The following UNC79 variants were observed in gnomAD, a reference collection of about 807,000 sequenced individuals.
The protein encoded by UNC79 is protein unc-79 homolog.
Under a neutral mutation model 283.1 loss-of-function variants are expected in UNC79, and 37 were observed. The observed-to-expected ratio is 0.13, with a 90% CI of 0.10 to 0.17. The LOEUF is 0.17. Among genes scored for constraint, UNC79 ranks in the 10% least tolerant of loss-of-function variants. The probability of loss-of-function intolerance (pLI) is 1.00; values close to 1 mark genes in which losing one functional copy is unlikely to be tolerated. For missense variants in UNC79, 2,272 were observed against 3,211.1 expected (o/e 0.71, Z 7.07); for synonymous variants, 1,107 against 1,200.2 (o/e 0.92, Z 1.61).
intron 3 of UNC79, among the ~76,000 whole-genome samples, chr14:93,475,853 G>T (rs2057769680): frequency 6.6e-6 from 1 of 152,168 alleles, no homozygotes; most frequent in African/African-American, 2.4e-5. Context: ...CAGGGGAGAT[G>T]ATTTGTATTT....
intron 46 of UNC79, 146 bp from the exon 50 acceptor site, chr14:93,694,189 A>G: frequency 1.6e-6 from 1 of 607,862 alleles, no homozygotes; most frequent in Non-Finnish European, 2.9e-6. Flanking sequence ...TCAGAGGTGA[A>G]TGAACACCAC....
intron 8 of UNC79, 32 bp from the exon 9 acceptor site, chr14:93,528,526 G>A: frequency 3.8e-6 from 6 of 1,597,946 alleles, no homozygotes; most frequent in Non-Finnish European, 4.3e-6. Flanking sequence ...CCAGGAACAG[G>A]AGAGTTCATT....
At chr14:93,679,268 G>T (rs1044923961) in intron 41 of UNC79, among the ~76,000 whole-genome samples, 1 of 152,148 alleles carries the variant, frequency 6.6e-6, no homozygotes, top group Admixed American at 6.5e-5. Flanking sequence ...AGACCATCCT[G>T]GCTAACATGG....
rs1361932567 is a variant in UNC79, at chr14:93,412,614, G to T, written c.-350-55057G>T. On this transcript the variant is annotated intron_variant, in intron 1 of 49. Coordinates refer to the UNC79 transcript ENST00000256339. ...GGAGTTTGATTATAAAATGCCTTGAGGCAGTCTTCTTTGGGTTAAATCTTC... is the reference window on the plus strand; with the variant it reads ...GGAGTTTGATTATAAAATGCCTTGATGCAGTCTTCTTTGGGTTAAATCTTC... 2.0e-5 allele frequency among the ~76,000 whole-genome samples: 3 copies of T among 152,070 alleles called. No homozygotes were observed. The East Asian group carries it at 5.8e-4, about 29-fold the overall frequency.
At chr14:93,414,149 T>G (rs1485745356) in intron 1 of UNC79, among the ~76,000 whole-genome samples, 5 of 151,460 alleles carry the variant, frequency 3.3e-5, no homozygotes, top group African/African-American at 1.2e-4. Context: ...TCTAGGGTTT[T>G]TATGGTTTTA....
At chr14:93,423,806 A>G (rs1408254845) in intron 1 of UNC79, among the ~76,000 whole-genome samples, 1 of 152,226 alleles carries the variant, frequency 6.6e-6, no homozygotes, top group African/African-American at 2.4e-5. Flanking sequence ...TTAACTGGCA[A>G]AGATTTCCTG....
chr14:93,492,961 C>T (rs927381588), intron 5 of UNC79, among the ~76,000 whole-genome samples: 2 of 152,144 alleles, frequency 1.3e-5, no homozygotes, highest in Admixed American at 6.5e-5. Flanking sequence ...TGACCCCATC[C>T]TCATCTCAGG....
At chr14:93,445,653 A>G (rs1173014984) in intron 1 of UNC79, among the ~76,000 whole-genome samples, 1 of 152,126 alleles carries the variant, frequency 6.6e-6, no homozygotes, top group Non-Finnish European at 1.5e-5. Flanking sequence ...TTCCTTTTCT[A>G]TAGTTTCTGA....
Position 93,472,368 on chromosome 14 carries a change from C to T in UNC79, c.144-1721C>T, listed in dbSNP as rs1305511168. On this transcript the variant is annotated intron_variant, in intron 2 of 48. Coordinates refer to ENST00000555664, the Ensembl canonical transcript of UNC79. ...AATCTGATGGCATTTATAATAGATA[C>T]AGTCAGGTGGTAACTGGAATATTGA... Among the ~76,000 whole-genome samples the T allele has an allele frequency of 3.1e-4, 47 of 151,982 alleles. 1 individual carries two copies. Among genetic ancestry groups the T allele is most frequent in the Admixed American group, 3.0e-3 (46 of 15,256 alleles).
chr14:93,620,859 T>G (rs190329406), intron 29 of UNC79, 33 bp from the exon 31 acceptor site: 3 of 501,790 alleles, frequency 6.0e-6, no homozygotes, highest in Admixed American at 4.1e-5. Flanking sequence ...AATAACCTCT[T>G]AAGTGTAATT....
chr14:93,570,639 G>A (rs1325856281), intron 14 of UNC79, among the ~76,000 whole-genome samples: 1 of 152,106 alleles, frequency 6.6e-6, no homozygotes, highest in Non-Finnish European at 1.5e-5. Flanking sequence ...TTTTATTAAG[G>A]GAGCGTTTTA....
At chr14:93,591,479 T>C (rs968797956) in intron 22 of UNC79, among the ~76,000 whole-genome samples, 1 of 152,266 alleles carries the variant, frequency 6.6e-6, no homozygotes, top group Non-Finnish European at 1.5e-5. Flanking sequence ...CATTATTTAT[T>C]GTATTCTTAC....
rs771783244 is a variant in UNC79 at position 93,600,806 on chromosome 14, A to G, written c.3574+36A>G. Reference sequence around the variant, plus strand: ...TGAAGAACTTGCTGTAAACCGTTGCAGTTCCCATTGTGCTTGCCTAGACAA... The same window carrying G: ...TGAAGAACTTGCTGTAAACCGTTGCGGTTCCCATTGTGCTTGCCTAGACAA... On this transcript the variant is annotated intron_variant, in intron 25 of 48. Coordinates refer to ENST00000555664, the Ensembl canonical transcript of UNC79. The G allele has an allele frequency of 5.0e-6, 8 of 1,601,942 alleles. No individual in the cohort carries two copies. The South Asian group carries it at 7.7e-5, about 16-fold the overall frequency.
intron 1 of UNC79, among the ~76,000 whole-genome samples, chr14:93,449,872 G>A (rs1323579115): frequency 6.6e-6 from 1 of 152,170 alleles, no homozygotes; most frequent in Non-Finnish European, 1.5e-5. Flanking sequence ...TCAGCGGTGG[G>A]TATAGATAAG....
intron 1 of UNC79, among the ~76,000 whole-genome samples, chr14:93,340,420 C>T (rs554434906): frequency 2.4e-5 from 3 of 122,760 alleles, no homozygotes; most frequent in South Asian, 5.1e-4. Flanking sequence ...CTAGCCTGGG[C>T]GACAGAGCAA....
intron 37 of UNC79, among the ~76,000 whole-genome samples, chr14:93,655,033 C>T (rs1202804084): frequency 6.6e-6 from 1 of 152,160 alleles, no homozygotes; most frequent in African/African-American, 2.4e-5. Flanking sequence ...CACTTTTCAC[C>T]TCTCATCAAT....
At chr14:93,415,505 G>T (rs2055433490) in intron 1 of UNC79, among the ~76,000 whole-genome samples, 1 of 152,042 alleles carries the variant, frequency 6.6e-6, no homozygotes, top group Admixed American at 6.6e-5. Flanking sequence ...TCTCTGCCCG[G>T]CTTTGGTATC....
chr14:93,398,309 AAT>A (rs1359296794), intron 1 of UNC79, among the ~76,000 whole-genome samples: 1 of 152,208 alleles, frequency 6.6e-6, no homozygotes, highest in Admixed American at 6.5e-5. Flanking sequence ...CTAGGAGGAT[AAT>A]AAGCCAAGGA....
At position 93,373,670 on chromosome 14, in the gene UNC79, A is replaced by G. The variant is rs544684042; in HGVS notation, c.-351+40147A>G. 2.6e-5 allele frequency among the ~76,000 whole-genome samples: 4 copies of G among 152,340 alleles called. No individual in the cohort carries two copies. In the East Asian group the frequency reaches 5.8e-4, roughly 22 times the overall value. On this transcript the variant is annotated intron_variant, in intron 1 of 49. Transcript: ENST00000256339. ...GATGTCTTCACAGGTGAATTCTACCAAACATTTTAGGAAGAAATCATACCA... is the reference window on the plus strand; with the variant it reads ...GATGTCTTCACAGGTGAATTCTACCGAACATTTTAGGAAGAAATCATACCA...
Sources: allele counts gnomAD v4.1 joint callset (sites outside exome capture counted in the v4.1 genomes callset), GRCh38; gene constraint gnomAD v4.1.1; transcripts MANE v1.5; gene names NCBI Gene and HGNC (gene_info 2026-07-23, HGNC 2026-07-21).